The following KCNMB2 variants were observed in gnomAD, a reference collection of about 807,000 sequenced individuals.
KCNMB2 encodes the protein potassium calcium-activated channel subfamily M regulatory beta subunit 2.
KCNMB2 carries 9 observed loss-of-function variants against 24.5 expected under a neutral mutation model. The observed-to-expected ratio is 0.37, with a 90% CI of 0.22 to 0.64. KCNMB2 has a LOEUF of 0.64. Ranked by LOEUF, KCNMB2 falls within the 30% of genes least tolerant of loss-of-function variation. KCNMB2 has a pLI of 0.63. For synonymous variants in KCNMB2, 109 were observed against 104.4 expected (o/e 1.04, Z -0.27); for missense variants, 226 against 284.3 (o/e 0.79, Z 1.47).
chr3:178,832,345 CT>C (rs149640654), intron 4 of KCNMB2, among the ~76,000 whole-genome samples: 2 of 83,302 alleles, frequency 2.4e-5, no homozygotes, highest in Non-Finnish European at 4.5e-5. Context: ...TAATCTTGGC[CT>C]ATTTTAAAGA....
chr3:178,791,203 T>G (rs1364462539), intron 1 of KCNMB2, among the ~76,000 whole-genome samples: 1 of 152,202 alleles, frequency 6.6e-6, no homozygotes, highest in Non-Finnish European at 1.5e-5. Flanking sequence ...ATAGCTGTTT[T>G]AAGGAAGCTC....
intron 1 of KCNMB2, among the ~76,000 whole-genome samples, chr3:178,757,858 G>GATAT (rs368639208): frequency 5.4e-5 from 1 of 18,392 alleles, no homozygotes; most frequent in African/African-American, 2.6e-4. Context: ...TATCCAAGAG[G>GATAT]ATACATATAT....
At chr3:178,757,883 A>G (rs1278239267) in intron 1 of KCNMB2, among the ~76,000 whole-genome samples, 1 of 65,402 alleles carries the variant, frequency 1.5e-5, no homozygotes, top group Non-Finnish European at 3.5e-5. Flanking sequence ...CCAAGAGGAT[A>G]CATATATATA....
At chr3:178,749,231 G>C (rs1232861217) in intron 1 of KCNMB2, 1 of 152,110 alleles carries the variant, frequency 6.6e-6, no homozygotes, top group South Asian at 2.1e-4. Flanking sequence ...GCATATATTA[G>C]AATGCCTGCA....
intron 1 of KCNMB2, among the ~76,000 whole-genome samples, chr3:178,608,614 G>A (rs1381322978): frequency 6.6e-6 from 1 of 152,014 alleles, no homozygotes; most frequent in Non-Finnish European, 1.5e-5. Flanking sequence ...TTGAATAGTA[G>A]GTCTTATTTA....
At chr3:178,608,195 G>A (rs1718346771) in intron 1 of KCNMB2, among the ~76,000 whole-genome samples, 1 of 152,194 alleles carries the variant, frequency 6.6e-6, no homozygotes, top group Non-Finnish European at 1.5e-5. Context: ...ACTGGACTTT[G>A]TGGGATTTTT....
chr3:178,745,372 T>C (rs1354961560), intron 1 of KCNMB2, among the ~76,000 whole-genome samples: 3 of 152,154 alleles, frequency 2.0e-5, no homozygotes, highest in South Asian at 2.1e-4. Flanking sequence ...GTGAGACTTA[T>C]TTACTATAAT....
intron 4 of KCNMB2, among the ~76,000 whole-genome samples, chr3:178,831,809 C>T (rs1715067606): frequency 6.6e-6 from 1 of 152,086 alleles, no homozygotes; most frequent in Admixed American, 6.6e-5. Flanking sequence ...TGCTTATTAC[C>T]TGGGTGGTGA....
rs561528648 is a variant in KCNMB2, at chr3:178,772,994, T to C, written c.-67-34349T>C. Among the ~76,000 whole-genome samples the C allele has an allele frequency of 3.5e-4, 54 of 152,272 alleles. 1 individual carries two copies. The South Asian group carries it at 0.011, about 31-fold the overall frequency. On this transcript the variant is annotated intron_variant, in intron 1 of 4. Transcript: ENST00000452583. ...CAAAGACTTCAAAGCTCTGAGTTTT[T>C]CCTGTTGACAGTTTCAAAAAAAAAA... is the stretch of plus-strand genomic sequence containing the variant.
intron 2 of KCNMB2, among the ~76,000 whole-genome samples, chr3:178,814,192 G>A (rs1045495347): frequency 6.6e-6 from 1 of 152,028 alleles, no homozygotes; most frequent in African/African-American, 2.4e-5. Context: ...ATTGTTTCCA[G>A]TTTTATGTCC....
chr3:178,781,981 C>T (rs1435230503), intron 1 of KCNMB2, among the ~76,000 whole-genome samples: 1 of 121,832 alleles, frequency 8.2e-6, no homozygotes, highest in Admixed American at 8.9e-5. Flanking sequence ...TGATATTCCC[C>T]TTCCTGTGTC....
In KCNMB2 at chr3:178,706,212, A is replaced by G. The variant is rs141666820; in HGVS notation, c.-67-101131A>G. ...ATTACCAGCTGCTTGATCTTCCACA[A>G]AGTACTGAGTCTTGAAGAATCCGTG... On this transcript the variant is annotated intron_variant, in intron 1 of 4. Transcript: ENST00000452583. Among the ~76,000 whole-genome samples, 1,449 of 152,206 alleles carry G rather than the reference A, an allele frequency of 9.5e-3. 42 individuals carry two copies. In the South Asian group the frequency reaches 0.11, roughly 12 times the overall value.
chr3:178,586,796 G>C (rs1040261360), intron 1 of KCNMB2, among the ~76,000 whole-genome samples: 1 of 151,816 alleles, frequency 6.6e-6, no homozygotes, highest in Non-Finnish European at 1.5e-5. Context: ...CTGCCCGCCT[G>C]GGCCTCCCAA....
At position 178,759,734 on chromosome 3, in the gene KCNMB2, ATATATCCAAGAGGATATATC is replaced by A. The variant is rs1174931295; in HGVS notation, c.-67-47603_-67-47584del. 4.7e-3 allele frequency among the ~76,000 whole-genome samples: 255 copies of A among 53,956 alleles called. 25 individuals are homozygous for A. The highest frequency in any genetic ancestry group is 7.8e-3 in the Non-Finnish European group (224 of 28,828). 35.4% of individuals were successfully genotyped at this position (53,956 alleles called of 152,430 possible). ...TCCAAGAGGATATATATACACATAT[ATATATCCAAGAGGATATATC>A]TATATATATATATCCAAGAGGATAT... is the stretch of plus-strand genomic sequence containing the variant. On this transcript the variant is annotated intron_variant, in intron 1 of 4. Transcript: ENST00000452583.
At chr3:178,705,199 T>C (rs527449031) in intron 1 of KCNMB2, among the ~76,000 whole-genome samples, 14 of 152,202 alleles carry the variant, frequency 9.2e-5, no homozygotes, top group Admixed American at 8.5e-4. Context: ...TTCTGGTAGC[T>C]TCACCTCAGA....
chr3:178,811,337 A>G (rs1040618713), intron 2 of KCNMB2, among the ~76,000 whole-genome samples: 4 of 152,136 alleles, frequency 2.6e-5, no homozygotes, highest in Non-Finnish European at 5.9e-5. Context: ...CCATCAATCA[A>G]TATCAATCAA....
chr3:178,578,377 T>C (rs1003028213), intron 1 of KCNMB2, among the ~76,000 whole-genome samples: 9 of 152,114 alleles, frequency 5.9e-5, no homozygotes, highest in African/African-American at 2.2e-4. Context: ...TCCCGAAGGA[T>C]GCACTAAATA....
At chr3:178,686,402 G>A (rs1191753258) in intron 1 of KCNMB2, among the ~76,000 whole-genome samples, 2 of 152,128 alleles carry the variant, frequency 1.3e-5, no homozygotes, top group Admixed American at 1.3e-4. Context: ...AAACTGGAAG[G>A]AATTTAGTAA....
At chr3:178,745,760 G>C (rs1311580668) in intron 1 of KCNMB2, among the ~76,000 whole-genome samples, 1 of 152,134 alleles carries the variant, frequency 6.6e-6, no homozygotes, top group Non-Finnish European at 1.5e-5. Context: ...CAAAACAAAG[G>C]GGCTACAGGC....
Sources: allele counts gnomAD v4.1 joint callset (sites outside exome capture counted in the v4.1 genomes callset), GRCh38; gene constraint gnomAD v4.1.1; transcripts MANE v1.5; gene names NCBI Gene and HGNC (gene_info 2026-07-23, HGNC 2026-07-21).